The following UNC79 variants were observed in gnomAD, a reference collection of about 807,000 sequenced individuals.
The protein encoded by UNC79 is protein unc-79 homolog.
In UNC79, 37 loss-of-function variants were observed where a neutral mutation model predicts 283.1. The ratio of observed to expected loss-of-function variants is 0.13; its 90% CI spans 0.10 to 0.17. The LOEUF is 0.17. Among genes scored for constraint, UNC79 ranks in the 10% least tolerant of loss-of-function variants. The pLI, the probability that UNC79 is intolerant of heterozygous loss-of-function variation, is 1.00. For synonymous variants in UNC79, 1,107 were observed against 1,200.2 expected, an observed-to-expected ratio of 0.92 and a Z score of 1.61; for missense variants, 2,272 against 3,211.1, an observed-to-expected ratio of 0.71 and a Z score of 7.07.
exon 12 of UNC79, chr14:93,538,169 C>T (rs770612412): frequency 4.3e-6 from 7 of 1,613,328 alleles, no homozygotes; most frequent in South Asian, 1.1e-5. Context: ...CATCAACACG[C>T]GGGAATGCGG....
Position 93,605,064 on chromosome 14 carries a change from A to G in UNC79, c.3754+1646A>G, listed in dbSNP as rs186736198. 24 of 1,260,438 alleles carry G rather than the reference A, an allele frequency of 1.9e-5. No individual in the cohort carries two copies. The African/African-American group carries it at 2.7e-4, about 14-fold the overall frequency. 78.1% of individuals were successfully genotyped at this position (1,260,438 alleles called of 1,614,324 possible). On this transcript the variant is annotated intron_variant, in intron 26 of 48. Transcript: ENST00000555664. ...ACTGGACCAGGGTGATATACCTAGG[A>G]TTTGCAAGCTCAGAAGGGTCTTACC... is the stretch of plus-strand genomic sequence containing the variant.
intron 31 of UNC79, among the ~76,000 whole-genome samples, chr14:93,632,364 A>G (rs923298891): frequency 2.6e-5 from 4 of 152,250 alleles, no homozygotes; most frequent in South Asian, 2.1e-4. Flanking sequence ...TACTAAAATC[A>G]TAAAAGTGTA....
intron 1 of UNC79, among the ~76,000 whole-genome samples, chr14:93,407,623 G>T (rs761477846): frequency 6.6e-6 from 1 of 152,100 alleles, no homozygotes; most frequent in African/African-American, 2.4e-5. Context: ...AGGGCAATCA[G>T]ATCATTGGAG....
intron 48 of UNC79, among the ~76,000 whole-genome samples, chr14:93,705,218 C>T (rs1235578475): frequency 6.6e-6 from 1 of 151,762 alleles, no homozygotes; most frequent in African/African-American, 2.4e-5. Flanking sequence ...GCTTAGGCAA[C>T]AGAGTGAGAC....
rs143468598 is a variant in UNC79 at position 93,632,812 on chromosome 14, T to C, written c.5716+1904T>C. On this transcript the variant is annotated intron_variant, in intron 31 of 48. Transcript: ENST00000555664. ...ATAAAATGAATTTACAAATTACAAA[T>C]GTTTCATGATCCCAAAGTCATGATT... is the stretch of plus-strand genomic sequence containing the variant. Among the ~76,000 whole-genome samples, 1,047 of 152,282 alleles carry C rather than the reference T, an allele frequency of 6.9e-3. 6 individuals are homozygous for C. The highest frequency in any genetic ancestry group is 0.011 in the Non-Finnish European group (730 of 68,034).
At chr14:93,452,071 C>T (rs2056660183) in intron 1 of UNC79, among the ~76,000 whole-genome samples, 1 of 152,196 alleles carries the variant, frequency 6.6e-6, no homozygotes, top group Non-Finnish European at 1.5e-5. Context: ...CTAGCATCTT[C>T]TCATCCTTCA....
intron 31 of UNC79, among the ~76,000 whole-genome samples, chr14:93,632,614 G>A (rs192477495): frequency 1.3e-5 from 2 of 151,912 alleles, no homozygotes; most frequent in African/African-American, 4.8e-5. Flanking sequence ...TGGGAGGATC[G>A]CTCAAGCATG....
intron 1 of UNC79, among the ~76,000 whole-genome samples, chr14:93,377,941 C>T (rs35795245): frequency 0.014 from 2,145 of 152,122 alleles, 24 homozygotes; most frequent in Middle Eastern, 0.034. Context: ...TAGACAACAA[C>T]GAAATACATT....
intron 19 of UNC79, among the ~76,000 whole-genome samples, chr14:93,580,775 G>A (rs2063750537): frequency 6.6e-6 from 1 of 152,052 alleles, no homozygotes; most frequent in African/African-American, 2.4e-5. Context: ...GCTTGATCAT[G>A]GCTCACTGAA....
intron 24 of UNC79, among the ~76,000 whole-genome samples, chr14:93,599,376 G>GTGTGTGTA (rs1245816067): frequency 6.6e-6 from 1 of 151,700 alleles, no homozygotes; most frequent in Non-Finnish European, 1.5e-5. Flanking sequence ...GTGTGTGTGT[G>GTGTGTGTA]TGTGTGTGTA....
At chr14:93,535,862 C>A (rs2061045354) in intron 11 of UNC79, among the ~76,000 whole-genome samples, 1 of 152,188 alleles carries the variant, frequency 6.6e-6, no homozygotes, top group Non-Finnish European at 1.5e-5. Flanking sequence ...TTGGTTGAAG[C>A]AGTTGCAAGC....
upstream of UNC79, among the ~76,000 whole-genome samples, chr14:93,427,656 GAT>G (rs2140083102): frequency 6.6e-6 from 1 of 150,948 alleles, no homozygotes; most frequent in South Asian, 2.1e-4. Context: ...TTAAGAAGCA[GAT>G]TTTTTTTTTT....
chr14:93,667,850 T>A (rs2072387078), intron 40 of UNC79, among the ~76,000 whole-genome samples: 2 of 152,320 alleles, frequency 1.3e-5, no homozygotes, highest in Non-Finnish European at 1.5e-5. Flanking sequence ...AATATAAAAA[T>A]GTTTAAATAT....
intron 35 of UNC79, among the ~76,000 whole-genome samples, chr14:93,647,416 A>T (rs1045199965): frequency 1.3e-5 from 2 of 152,250 alleles, no homozygotes; most frequent in Admixed American, 1.3e-4. Flanking sequence ...GGTGTTTTAG[A>T]TATAATGGTC....
intron 1 of UNC79, among the ~76,000 whole-genome samples, chr14:93,339,024 GC>G (rs761953763): frequency 6.6e-6 from 1 of 152,226 alleles, no homozygotes; most frequent in East Asian, 1.9e-4. Flanking sequence ...CTCTAGAGCT[GC>G]TATGCAGTCT....
At chr14:93,527,035 G>A (rs1416585798) in intron 8 of UNC79, among the ~76,000 whole-genome samples, 7 of 152,092 alleles carry the variant, frequency 4.6e-5, no homozygotes, top group Non-Finnish European at 8.8e-5. Context: ...GTTTTAATAG[G>A]CTGCAAAAAA....
intron 1 of UNC79, among the ~76,000 whole-genome samples, chr14:93,414,743 C>T (rs1358059620): frequency 1.3e-5 from 2 of 152,140 alleles, no homozygotes; most frequent in Non-Finnish European, 2.9e-5. Context: ...AGGTCCTTCA[C>T]ATCCCTTGTA....
chr14:93,705,042 C>T (rs1247516101), intron 48 of UNC79, among the ~76,000 whole-genome samples: 3 of 152,064 alleles, frequency 2.0e-5, no homozygotes, highest in Admixed American at 1.3e-4. Context: ...GGAGATCAGC[C>T]TGGGCAACAT....
At chr14:93,421,384 G>A (rs1160942464) in intron 1 of UNC79, among the ~76,000 whole-genome samples, 1 of 151,540 alleles carries the variant, frequency 6.6e-6, no homozygotes, top group Non-Finnish European at 1.5e-5. Context: ...CTAGACACAT[G>A]CAACCTACTA....
Sources: gnomAD v4.1 joint callset for allele counts (sites outside exome capture counted in the v4.1 genomes callset) on GRCh38, gnomAD v4.1.1 for gene constraint, MANE v1.5 for transcripts, NCBI Gene and HGNC (gene_info 2026-07-23, HGNC 2026-07-21) for gene names.